LDLRAD3: variants seen among roughly 807,000 people sequenced by gnomAD.
The protein encoded by LDLRAD3 is low-density lipoprotein receptor class A domain-containing protein 3.
LDLRAD3 carries 20 observed loss-of-function variants against 29.4 expected under a neutral mutation model. The observed-to-expected ratio is 0.68, with a 90% CI of 0.48 to 0.99. LDLRAD3 has a LOEUF of 0.99. Ranked by LOEUF, LDLRAD3 falls within the 50% of genes least tolerant of loss-of-function variation. The probability of loss-of-function intolerance (pLI) is 0.00; values close to 1 mark genes in which losing one functional copy is unlikely to be tolerated. For synonymous variants in LDLRAD3, 157 were observed against 192.7 expected (o/e 0.81, Z 1.53); for missense variants, 420 against 454.3 (o/e 0.92, Z 0.69).
At chr11:36,163,463 A>T (rs963285075) in intron 4 of LDLRAD3, 1 of 152,186 alleles carries the variant, frequency 6.6e-6, no homozygotes, top group African/African-American at 2.4e-5. Context: ...CCTGCATATG[A>T]TGTGTGACTG....
chr11:36,188,371 C>CAAAAAAAA (rs57049829), intron 4 of LDLRAD3, among the ~76,000 whole-genome samples: 3 of 62,030 alleles, frequency 4.8e-5, no homozygotes, highest in Non-Finnish European at 6.0e-5. Context: ...GGAAAACCAG[C>CAAAAAAAA]AAAAAAAAAA....
intron 3 of LDLRAD3, among the ~76,000 whole-genome samples, chr11:36,087,396 T>C (rs895182008): frequency 3.9e-5 from 6 of 152,254 alleles, no homozygotes; most frequent in African/African-American, 1.4e-4. Context: ...AAAGAGATTA[T>C]GTGCTATCTG....
At chr11:36,202,599 A>G (rs1036806895) in intron 4 of LDLRAD3, among the ~76,000 whole-genome samples, 5 of 152,188 alleles carry the variant, frequency 3.3e-5, no homozygotes, top group Admixed American at 6.5e-5. Context: ...CTCATTCACT[A>G]TCATTTTTCT....
At chr11:35,950,565 T>C (rs905173795) in intron 1 of LDLRAD3, among the ~76,000 whole-genome samples, 1 of 152,138 alleles carries the variant, frequency 6.6e-6, no homozygotes, top group African/African-American at 2.4e-5. Context: ...TATATATATA[T>C]ACTGTATATG....
At chr11:36,224,621 T>C (rs996094313) in intron 4 of LDLRAD3, among the ~76,000 whole-genome samples, 8 of 152,202 alleles carry the variant, frequency 5.3e-5, no homozygotes, top group Admixed American at 3.9e-4. Context: ...TTCTGTGCAA[T>C]GAATCATTGA....
chr11:36,194,281 A>G (rs6484828), intron 4 of LDLRAD3, among the ~76,000 whole-genome samples: 133,878 of 152,158 alleles, frequency 0.88, 59,060 homozygotes, highest in East Asian at 0.97. Context: ...TTGTAGGTCC[A>G]TGATGGATTA....
intron 4 of LDLRAD3, among the ~76,000 whole-genome samples, chr11:36,098,926 G>T (rs1017374079): frequency 1.3e-5 from 2 of 151,464 alleles, no homozygotes; most frequent in African/African-American, 2.4e-5. Context: ...TGACATCATT[G>T]TCTGTGCCTG....
rs547139712 is a variant in LDLRAD3 at position 36,220,677 on chromosome 11, G to A, written c.455-6408G>A. ...TAGGATTCCACTTATATGGCTTTCC[G>A]GAAAAAAGTGAATCTATTTGGACAG... On this transcript the variant is annotated intron_variant, in intron 4 of 5. Coordinates refer to ENST00000315571, the MANE Select transcript of LDLRAD3 (RefSeq NM_174902.4). 4.6e-5 allele frequency among the ~76,000 whole-genome samples: 7 copies of A among 152,190 alleles called. No homozygotes were observed. The South Asian group carries it at 6.2e-4, about 14-fold the overall frequency.
At chr11:35,946,757 C>T (rs1170002600) in intron 1 of LDLRAD3, among the ~76,000 whole-genome samples, 1 of 152,136 alleles carries the variant, frequency 6.6e-6, no homozygotes, top group Non-Finnish European at 1.5e-5. Flanking sequence ...TGAGTGTACT[C>T]CCAGGAGTGA....
chr11:36,195,759 C>G (rs1386443219), intron 4 of LDLRAD3, among the ~76,000 whole-genome samples: 1 of 151,996 alleles, frequency 6.6e-6, no homozygotes, highest in Non-Finnish European at 1.5e-5. Flanking sequence ...CCTCAGTCAC[C>G]CAAGACACTT....
At chr11:36,208,636 A>G (rs1322550767) in intron 4 of LDLRAD3, among the ~76,000 whole-genome samples, 1 of 152,256 alleles carries the variant, frequency 6.6e-6, no homozygotes, top group Non-Finnish European at 1.5e-5. Context: ...ATTGGGTTTT[A>G]TAACTCAGAG....
At chr11:36,042,413 T>C (rs1852394230) in intron 2 of LDLRAD3, among the ~76,000 whole-genome samples, 1 of 152,164 alleles carries the variant, frequency 6.6e-6, no homozygotes, top group African/African-American at 2.4e-5. Flanking sequence ...CTGCTTCTCT[T>C]GGGCCGTTCT....
At chr11:36,082,670 C>T (rs1457133812) in intron 3 of LDLRAD3, among the ~76,000 whole-genome samples, 2 of 152,214 alleles carry the variant, frequency 1.3e-5, no homozygotes, top group Non-Finnish European at 2.9e-5. Flanking sequence ...TGTGCATGCA[C>T]ACACATACTC....
chr11:36,067,871 T>C (rs1272628648), intron 2 of LDLRAD3, among the ~76,000 whole-genome samples: 4 of 152,116 alleles, frequency 2.6e-5, no homozygotes, highest in Non-Finnish European at 5.9e-5. Flanking sequence ...GGTTTCACCA[T>C]GTTGCTCAGG....
At chr11:36,196,650 TAAATC>T (rs1323392906) in intron 4 of LDLRAD3, 1 of 152,220 alleles carries the variant, frequency 6.6e-6, no homozygotes, top group Non-Finnish European at 1.5e-5. Context: ...GTGAAAAACT[TAAATC>T]AGGTCTGTCT....
intron 4 of LDLRAD3, among the ~76,000 whole-genome samples, chr11:36,209,168 GACTGAGAAACTGTC>G (rs1300048317): frequency 6.6e-6 from 1 of 152,150 alleles, no homozygotes; most frequent in Non-Finnish European, 1.5e-5. Context: ...AACAAGGAAA[GACTGAGAAACTGTC>G]ACCGATTAGA....
At chr11:36,226,975 A>G (rs1176366492) in intron 4 of LDLRAD3, 110 bp from the exon 5 acceptor site, 1 of 862,966 alleles carries the variant, frequency 1.2e-6, no homozygotes, top group African/African-American at 1.7e-5. Flanking sequence ...GCTATTGTGA[A>G]TAGGGCTACT....
chr11:36,104,312 G>A lies in LDLRAD3; in HGVS notation c.454+5851G>A, dbSNP rs572987043. Among the ~76,000 whole-genome samples, 127 of 152,324 alleles carry A rather than the reference G, an allele frequency of 8.3e-4. 1 individual carries two copies. Among genetic ancestry groups the A allele is most frequent in the African/African-American group, 3.0e-3 (125 of 41,578 alleles). On this transcript the variant is annotated intron_variant, in intron 4 of 5. Transcript: ENST00000315571. ...AGACATCTGCAGCCCCGGCTGACACGCCGACTGTAGCCTTGTAAGACTCCC... is the reference window on the plus strand; with the variant it reads ...AGACATCTGCAGCCCCGGCTGACACACCGACTGTAGCCTTGTAAGACTCCC...
At chr11:35,949,871 G>A (rs892107797) in intron 1 of LDLRAD3, among the ~76,000 whole-genome samples, 1 of 152,212 alleles carries the variant, frequency 6.6e-6, no homozygotes, top group African/African-American at 2.4e-5. Flanking sequence ...CATTGTTTCA[G>A]TTCAGGTCCA....
Sources: gnomAD v4.1 joint callset for allele counts (sites outside exome capture counted in the v4.1 genomes callset) on GRCh38, gnomAD v4.1.1 for gene constraint, MANE v1.5 for transcripts, NCBI Gene and HGNC (gene_info 2026-07-23, HGNC 2026-07-21) for gene names.